PFAS: variants seen among roughly 807,000 people sequenced by gnomAD.
PFAS encodes phosphoribosylformylglycinamidine synthase.
A neutral mutation model predicts 140.6 loss-of-function variants in PFAS; 97 were observed. That is an observed-to-expected ratio of 0.69 (90% CI 0.59 to 0.82). The LOEUF (loss-of-function observed/expected upper bound fraction) is 0.82. Ranked by LOEUF, PFAS falls within the 40% of genes least tolerant of loss-of-function variation. PFAS has a pLI of 0.00. For missense variants in PFAS, 1,656 were observed against 1,780.2 expected, an observed-to-expected ratio of 0.93 and a Z score of 1.26; for synonymous variants, 679 against 718.8, an observed-to-expected ratio of 0.94 and a Z score of 0.88.
chr17:8,266,000 C>T lies in PFAS; in HGVS notation c.2684C>T (p.Thr895Ile). The T allele has an allele frequency of 6.2e-7, 1 of 1,609,582 alleles. No homozygotes were observed. The highest frequency in any genetic ancestry group is 8.5e-7 in the Non-Finnish European group (1 of 1,177,764). ...AACTTGGTGCGGGCCTTCAGCATCA[C>T]TCAGGGGCTGCTGAAAGGTGAGTGA... is the stretch of plus-strand genomic sequence containing the variant. ...PENLVRAFSI[T>I]QGLLKDRLLC... Residue 895 changes from threonine (T) to isoleucine (I), a missense_variant, in exon 21 of 28, where the codon ACT (threonine) becomes ATT (isoleucine). Coordinates refer to ENST00000314666, the MANE Select transcript of PFAS (RefSeq NM_012393.3).
At position 8,265,073 on chromosome 17, in the gene PFAS, C is replaced by A; in HGVS notation, c.2228C>A (p.Ala743Asp). The change falls in exon 18 of 28, where the codon GCC (alanine) becomes GAC (aspartate). Residue 743 changes from alanine (A) to aspartate (D), a missense_variant. By Grantham distance (126) the Ala-to-Asp change is moderately radical (BLOSUM62 -2). Coordinates refer to ENST00000314666, the MANE Select transcript of PFAS (RefSeq NM_012393.3). The stretch of plus-strand genomic sequence containing the variant: ...GACCCAAAAGTCGCCGCCCGGCTGG[C>A]CGTGGCCGAAGCCCTCACCAACCTG... ...LLDPKVAARL[A>D]VAEALTNLVF... 6.2e-7 allele frequency: 1 copy of A among 1,613,426 alleles called. No individual in the cohort carries two copies. The highest frequency in any genetic ancestry group is 8.5e-7 in the Non-Finnish European group (1 of 1,179,990).
At chr17:8,247,973 A>C (rs759054383), upstream of PFAS, 1 of 1,605,716 alleles carries the variant, frequency 6.2e-7, no homozygotes, top group Non-Finnish European at 8.5e-7. Context: ...AACAAGAAAA[A>C]AGGAACAAGA....
chr17:8,268,671 C>T lies in PFAS; in HGVS notation c.3521C>T (p.Pro1174Leu). Residue 1174 changes from proline (P) to leucine (L), a missense_variant, in exon 27 of 28, where the codon CCC becomes CTC. Pro to Leu is a moderately conservative substitution (Grantham distance 98). Coordinates refer to ENST00000314666, the MANE Select transcript of PFAS (RefSeq NM_012393.3). ...LALLGWVGGD[P>L]NEDAAEMGPD... is the part of the protein sequence containing the mutation. ...CTGCTCGGCTGGGTGGGAGGCGACC[C>T]CAATGAGGATGCTGCAGAGATGGGC... 6.2e-7 allele frequency: 1 copy of T among 1,613,754 alleles called. No individual in the cohort carries two copies. The highest frequency in any genetic ancestry group is 8.5e-7 in the Non-Finnish European group (1 of 1,180,008).
chr17:8,267,420 G>A lies in PFAS; in HGVS notation c.3224G>A (p.Gly1075Glu). Residue 1075 changes from glycine to glutamate, a missense_variant, in exon 25 of 28, where the codon GGA becomes GAA. By Grantham distance (98) the Gly-to-Glu change is moderately conservative. This residue lies in a region of PFAS where 883 missense variants were observed against 1,023.0 expected (regional missense o/e 0.86). Transcript: ENST00000314666. The surrounding 1 kb of genome is among the most constrained non-coding windows in gnomAD (Gnocchi z 4.9). Reference protein sequence around the residue: ...VAILREEGSNGDREMADAFHL... With the variant: ...VAILREEGSNEDREMADAFHL... Reference sequence around the variant, plus strand: ...ATCTTGCGAGAGGAGGGCAGTAATGGAGACCGGGAGATGGCCGATGCCTTC... The same window carrying A: ...ATCTTGCGAGAGGAGGGCAGTAATGAAGACCGGGAGATGGCCGATGCCTTC... The A allele has an allele frequency of 6.2e-7, 1 of 1,614,162 alleles. No homozygotes were observed. Among genetic ancestry groups the A allele is most frequent in the South Asian group, 1.1e-5 (1 of 91,086 alleles).
At position 8,266,022 on chromosome 17, in the gene PFAS, G is replaced by A; in HGVS notation, c.2701+5G>A. ...TCACTCAGGGGCTGCTGAAAGGTGAGTGAAGACCCCTGGGGAGATAGCGCA... is the reference window on the plus strand; with the variant it reads ...TCACTCAGGGGCTGCTGAAAGGTGAATGAAGACCCCTGGGGAGATAGCGCA... On this transcript the variant is annotated splice_donor_5th_base_variant and intron_variant, in intron 21 of 27. Transcript: ENST00000314666. This position sits in a 1 kb window ranked among gnomAD's most constrained non-coding sequence, Gnocchi z 5.0. The A allele has an allele frequency of 6.2e-7, 1 of 1,601,670 alleles. No individual in the cohort carries two copies.
chr17:8,263,155 G>A lies in PFAS; in HGVS notation c.1457G>A (p.Arg486Gln), dbSNP rs750730653. 1.1e-5 allele frequency: 17 copies of A among 1,613,796 alleles called. No homozygotes were observed. Among genetic ancestry groups the A allele is most frequent in the Middle Eastern group, 1.6e-4 (1 of 6,084 alleles). The change falls in exon 13 of 28, where the codon CGA becomes CAA. Residue 486 changes from arginine to glutamine, a missense_variant. Arg to Gln is a conservative substitution (Grantham distance 43). Transcript: ENST00000314666. Reference protein sequence around the residue: ...TSDLDFGAVQRGDPEMEQKMN... With the variant: ...TSDLDFGAVQQGDPEMEQKMN... Reference sequence around the variant, plus strand: ...GACCTGGACTTTGGGGCTGTGCAGCGAGGAGACCCGGAGATGGAACAGAAG... The same window carrying A: ...GACCTGGACTTTGGGGCTGTGCAGCAAGGAGACCCGGAGATGGAACAGAAG...
In PFAS at chr17:8,264,214, A is replaced by G. The variant is rs766133847; in HGVS notation, c.1794A>G (p.Ile598Met). 6.2e-7 allele frequency: 1 copy of G among 1,614,016 alleles called. No homozygotes were observed. Residue 598 changes from isoleucine (I) to methionine (M), a missense_variant and splice_region_variant, in exon 16 of 28, where the codon ATA becomes ATG. Ile to Met is a conservative substitution (Grantham distance 10). Transcript: ENST00000314666. The part of the protein sequence containing the change: ...FVGTITGDRR[I>M]VLVDDRECPV... ...GGTGGGGTCCCTGTGGTCTATAGATAGTGCTGGTGGACGATCGGGAGTGTC... is the reference window on the plus strand; with the variant it reads ...GGTGGGGTCCCTGTGGTCTATAGATGGTGCTGGTGGACGATCGGGAGTGTC...
chr17:8,267,617 G>C lies in PFAS; in HGVS notation c.3334G>C (p.Ala1112Pro). Reference protein sequence around the residue: ...AIGLDTFRGVAFVGGFSYADV... With the variant: ...AIGLDTFRGVPFVGGFSYADV... The stretch of plus-strand genomic sequence containing the variant: ...TGGGCTGGACACTTTCCGTGGCGTG[G>C]CCTTCGTGGGCGGCTTCAGCTATGC... The change falls in exon 26 of 28, where the codon GCC (alanine) becomes CCC (proline). Residue 1112 changes from alanine to proline, a missense_variant. Ala to Pro is a conservative substitution (Grantham distance 27). This residue lies in a region of PFAS where 883 missense variants were observed against 1,023.0 expected (regional missense o/e 0.86). Coordinates refer to ENST00000314666, the MANE Select transcript of PFAS (RefSeq NM_012393.3). This position sits in a 1 kb window ranked among gnomAD's most constrained non-coding sequence, Gnocchi z 4.9. 6.2e-7 allele frequency: 1 copy of C among 1,613,050 alleles called. No homozygotes were observed. Among genetic ancestry groups the C allele is most frequent in the Non-Finnish European group, 8.5e-7 (1 of 1,179,090 alleles).
chr17:8,268,574 G>A lies in PFAS; in HGVS notation c.3424G>A (p.Glu1142Lys). The change falls in exon 27 of 28, where the codon GAG becomes AAG. Residue 1142 changes from glutamate (E) to lysine (K), a missense_variant. By Grantham distance (56) the Glu-to-Lys change is moderately conservative (BLOSUM62 1). Around this residue, in one of 2 missense-constraint regions of PFAS, gnomAD observed 883 missense variants for 1,023.0 expected, o/e 0.86. Coordinates refer to ENST00000314666, the MANE Select transcript of PFAS (RefSeq NM_012393.3). ...GACCTTTCATCCCAGGGCTGGGGCT[G>A]AGCTGAGGCGCTTCCGGAAGCGGCC... The part of the protein sequence containing the change: ...AVTFHPRAGA[E>K]LRRFRKRPDT... The A allele has an allele frequency of 6.2e-7, 1 of 1,612,572 alleles. No homozygotes were observed. Among genetic ancestry groups the A allele is most frequent in the African/African-American group, 1.3e-5 (1 of 74,934 alleles).
In PFAS at chr17:8,267,890, TA is replaced by T. The variant is rs1989884527; in HGVS notation, c.3382+228del. ...CATATGTAATTAAAATATATATTATTAAATATATATTATTTATATATATTAT... is the reference window on the plus strand; with the variant it reads ...CATATGTAATTAAAATATATATTATTAATATATATTATTTATATATATTAT... On this transcript the variant is annotated intron_variant, in intron 26 of 27. Coordinates refer to ENST00000314666, the MANE Select transcript of PFAS (RefSeq NM_012393.3). The surrounding 1 kb of genome is among the most constrained non-coding windows in gnomAD (Gnocchi z 4.9). Among the ~76,000 whole-genome samples the T allele has an allele frequency of 6.9e-6, 1 of 144,200 alleles. No homozygotes were observed. Among genetic ancestry groups the T allele is most frequent in the Non-Finnish European group, 1.5e-5 (1 of 65,942 alleles). 94.6% of individuals were successfully genotyped at this position (144,200 alleles called of 152,430 possible).
chr17:8,255,610 A>T lies in PFAS; in HGVS notation c.493A>T (p.Ser165Cys). The part of the protein sequence containing the change: ...PHPIQSFSPE[S>C]MPEPLNGPIN... ...TCCCATCCAGAGTTTCTCCCCTGAG[A>T]GCATGCCGGAACCCCTCAATGGCCC... The change falls in exon 5 of 28, where the codon AGC (serine) becomes TGC (cysteine). Residue 165 changes from serine to cysteine, a missense_variant. Ser to Cys is a moderately radical substitution (Grantham distance 112). This residue lies in a region of PFAS where 773 missense variants were observed against 757.3 expected (regional missense o/e 1.02). Transcript: ENST00000314666. 1 of 1,583,704 alleles carries T rather than the reference A, an allele frequency of 6.3e-7. No homozygotes were observed.
In PFAS at chr17:8,268,764, G is replaced by T. The variant is rs778606190; in HGVS notation, c.3614G>T (p.Arg1205Leu). Residue 1205 changes from arginine to leucine, a missense_variant, in exon 27 of 28, where the codon CGC becomes CTC. This residue lies in a region of PFAS where 883 missense variants were observed against 1,023.0 expected (regional missense o/e 0.86). Transcript: ENST00000314666. ...AACCTGTCTGGGCGCTACGAGTCTC[G>T]CTGGGCCAGCGTGCGTGTGGGGCCT... ...RHNLSGRYES[R>L]WASVRVGPGP... is the part of the protein sequence containing the mutation. 1.2e-6 allele frequency: 2 copies of T among 1,611,148 alleles called. No individual in the cohort carries two copies. Among genetic ancestry groups the T allele is most frequent in the South Asian group, 1.1e-5 (1 of 91,082 alleles).
In PFAS at chr17:8,256,336, G is replaced by C; in HGVS notation, c.750G>C (p.Leu250=). The stretch of plus-strand genomic sequence containing the variant: ...ATGGGCAGAAGCTGGTGCACTCACT[G>C]TTTGAGTCCATCATGAGCACCCAGG... The part of the protein sequence containing the change: ...HVDGQKLVHS[L]FESIMSTQES... Residue 250 remains leucine, a synonymous_variant, in exon 7 of 28, where the codon CTG becomes CTC. Coordinates refer to ENST00000314666, the MANE Select transcript of PFAS (RefSeq NM_012393.3). 1 of 1,613,814 alleles carries C rather than the reference G, an allele frequency of 6.2e-7. No homozygotes were observed. Among genetic ancestry groups the C allele is most frequent in the South Asian group, 1.1e-5 (1 of 91,066 alleles).
rs574618575 is a variant in PFAS at position 8,268,697 on chromosome 17, C to T, written c.3547C>T (p.Pro1183Ser). 4 of 1,613,448 alleles carry T rather than the reference C, an allele frequency of 2.5e-6. No individual in the cohort carries two copies. The East Asian group carries it at 8.9e-5, about 36-fold the overall frequency. ...DPNEDAAEMG[P>S]DSQPARPGLL... ...CAATGAGGATGCTGCAGAGATGGGC[C>T]CTGACTCCCAGCCAGCCCGGCCAGG... The change falls in exon 27 of 28, where the codon CCT becomes TCT. Residue 1183 changes from proline to serine, a missense_variant. By Grantham distance (74) the Pro-to-Ser change is moderately conservative (BLOSUM62 -1). Coordinates refer to ENST00000314666, the MANE Select transcript of PFAS (RefSeq NM_012393.3).
At position 8,264,450 on chromosome 17, in the gene PFAS, T is replaced by G; in HGVS notation, c.1918-20T>G. ...GCCCGCCCCAGGTGTTCACACTGCC[T>G]GTCGCTGTCTGTGTTGCAGGAGTTC... On this transcript the variant is annotated intron_variant, in intron 16 of 27. Transcript: ENST00000314666. The G allele has an allele frequency of 1.9e-6, 3 of 1,613,318 alleles. No individual in the cohort carries two copies. Among genetic ancestry groups the G allele is most frequent in the South Asian group, 2.2e-5 (2 of 91,090 alleles).
chr17:8,256,044 T>A, intron 6 of PFAS, 134 bp downstream of exon 6: 1 of 799,796 alleles, frequency 1.3e-6, no homozygotes. Flanking sequence ...CCGTCATCCA[T>A]CAAGGAGTCT....
At position 8,267,651 on chromosome 17, in the gene PFAS, T is replaced by C; in HGVS notation, c.3368T>C (p.Leu1123Pro). The change falls in exon 26 of 28, where the codon CTG (leucine) becomes CCG (proline). Residue 1123 changes from leucine to proline, a missense_variant. Transcript: ENST00000314666. This position sits in a 1 kb window ranked among gnomAD's most constrained non-coding sequence, Gnocchi z 4.9. ...GGCGGCTTCAGCTATGCAGATGTCC[T>C]GGGCTCTGCCAAAGGTCAGTGTGCA... ...FVGGFSYADV[L>P]GSAKGWAAAV... 1 of 1,590,430 alleles carries C rather than the reference T, an allele frequency of 6.3e-7. No individual in the cohort carries two copies. Among genetic ancestry groups the C allele is most frequent in the Non-Finnish European group, 8.6e-7 (1 of 1,158,796 alleles).
At chr17:8,255,733 A>G (rs1342387637) in intron 5 of PFAS, 42 bp downstream of exon 5, 1 of 1,605,148 alleles carries the variant, frequency 6.2e-7, no homozygotes, top group Non-Finnish European at 8.5e-7. Flanking sequence ...AGGATAGGCC[A>G]GTAGGGGTGC....
chr17:8,263,078 C>T (rs2151590119), intron 12 of PFAS, 31 bp from the exon 13 acceptor site: 1 of 1,613,036 alleles, frequency 6.2e-7, no homozygotes, highest in Non-Finnish European at 8.5e-7. Context: ...TCCAGTCTCG[C>T]TGAGCTGAGC....
Sources: gnomAD v4.1 joint callset for allele counts (sites outside exome capture counted in the v4.1 genomes callset) on GRCh38, gnomAD v4.1.1 for gene constraint, gnomAD v4.1.1 regional missense constraint, Gnocchi (gnomAD v3.1) non-coding constraint, MANE v1.5 for transcripts, NCBI Gene and HGNC (gene_info 2026-07-23, HGNC 2026-07-21) for gene names.